Variants in ST6GALNAC3 observed in about 807,000 individuals in gnomAD.
ST6GALNAC3 encodes the protein alpha-N-acetylgalactosaminide alpha-2,6-sialyltransferase 3.
A neutral mutation model predicts 32.7 loss-of-function variants in ST6GALNAC3; 25 were observed. That is an observed-to-expected ratio of 0.76 (90% CI 0.56 to 1.07). The LOEUF (loss-of-function observed/expected upper bound fraction) is 1.07, where lower values mean the gene tolerates loss of function less well. Among genes scored for constraint, ST6GALNAC3 ranks in the 50% least tolerant of loss-of-function variants. The probability of loss-of-function intolerance (pLI) is 0.00; values close to 1 mark genes in which losing one functional copy is unlikely to be tolerated. For synonymous variants in ST6GALNAC3, 129 were observed against 133.1 expected, an observed-to-expected ratio of 0.97 and a Z score of 0.21; for missense variants, 355 against 382.4, an observed-to-expected ratio of 0.93 and a Z score of 0.60.
intron 1 of ST6GALNAC3, among the ~76,000 whole-genome samples, chr1:76,180,924 G>A (rs1653138439): frequency 1.3e-5 from 2 of 152,316 alleles, no homozygotes; most frequent in Admixed American, 6.5e-5. Context: ...AAGGTGTCAC[G>A]CTGGCCCTCT....
chr1:76,412,126 C>T lies in ST6GALNAC3; in HGVS notation c.332C>T (p.Pro111Leu), dbSNP rs1313534729. ...TGCATTTGGAGAATGAACAATGCCC[C>T]CACCAAAGGTTATGAAGAAGATGTC... ...SSCIWRMNNA[P>L]TKGYEEDVGR... is the part of the protein sequence containing the mutation. Residue 111 changes from proline to leucine, a missense_variant, in exon 3 of 5, where the codon CCC (proline) becomes CTC (leucine). Physicochemically the swap from Pro to Leu is moderately conservative, Grantham distance 98 (BLOSUM62 -3). Transcript: ENST00000328299. 6.2e-7 allele frequency: 1 copy of T among 1,613,520 alleles called. No homozygotes were observed. Among genetic ancestry groups the T allele is most frequent in the Non-Finnish European group, 8.5e-7 (1 of 1,179,804 alleles).
intron 3 of ST6GALNAC3, among the ~76,000 whole-genome samples, chr1:76,462,820 G>T (rs1299871400): frequency 1.3e-5 from 2 of 152,104 alleles, no homozygotes; most frequent in African/African-American, 4.8e-5. Flanking sequence ...AATGCTGCAG[G>T]GATGCTCATT....
chr1:76,443,799 T>G (rs1304039265), intron 3 of ST6GALNAC3, among the ~76,000 whole-genome samples: 1 of 152,234 alleles, frequency 6.6e-6, no homozygotes, highest in Non-Finnish European at 1.5e-5. Context: ...CTTCTAGTCT[T>G]GCCTTAGGCA....
chr1:76,530,056 A>T (rs890678744), intron 3 of ST6GALNAC3, among the ~76,000 whole-genome samples: 11 of 152,208 alleles, frequency 7.2e-5, no homozygotes, highest in African/African-American at 2.7e-4. Context: ...TTCATGTATA[A>T]CTTTTAGTAG....
chr1:76,394,667 A>G lies in ST6GALNAC3; in HGVS notation c.214-17341A>G, dbSNP rs1652809003. ...TAGTTATTATAGGTAATAGGTATGT[A>G]TTGACAAGCACTTGCTTGTTTAGAT... On this transcript the variant is annotated intron_variant, in intron 2 of 4. Coordinates refer to ENST00000328299, the MANE Select transcript of ST6GALNAC3 (RefSeq NM_152996.4). Among the ~76,000 whole-genome samples, 5 of 152,180 alleles carry G rather than the reference A, an allele frequency of 3.3e-5. No individual in the cohort carries two copies. The South Asian group carries it at 1.0e-3, about 32-fold the overall frequency.
In ST6GALNAC3 at chr1:76,631,481, A is replaced by G. The variant is rs555163143; in HGVS notation, c.*2675A>G. On this transcript the variant is annotated 3_prime_UTR_variant, in exon 5 of 5. Transcript: ENST00000328299. ...AAAGTCTAATTTCTCCCATGTTGAGAATAAATTTTTCATCTATGATTTGCT... is the reference window on the plus strand; with the variant it reads ...AAAGTCTAATTTCTCCCATGTTGAGGATAAATTTTTCATCTATGATTTGCT... 1 of 152,116 alleles carries G rather than the reference A, an allele frequency of 6.6e-6. No individual in the cohort carries two copies. Among genetic ancestry groups the G allele is most frequent in the South Asian group, 2.1e-4 (1 of 4,830 alleles). 9.4% of individuals were successfully genotyped at this position (152,116 alleles called of 1,614,324 possible).
intron 1 of ST6GALNAC3, among the ~76,000 whole-genome samples, chr1:76,297,399 G>C (rs1218015079): frequency 2.0e-5 from 3 of 151,880 alleles, no homozygotes; most frequent in African/African-American, 7.3e-5. Context: ...AGAGCCAGGG[G>C]TATGTTGTCC....
Position 76,429,922 on chromosome 1 carries a change from T to C in ST6GALNAC3, c.623+17505T>C, listed in dbSNP as rs148680469. Among the ~76,000 whole-genome samples, 1,325 of 152,280 alleles carry C rather than the reference T, an allele frequency of 8.7e-3. 9 individuals carry two copies. The highest frequency in any genetic ancestry group is 0.015 in the Non-Finnish European group (1,050 of 68,000). ...TATATGTTCAGTACAAATGAAACAT[T>C]CTCTCCCCAAGAGGACTCATTCACT... On this transcript the variant is annotated intron_variant, in intron 3 of 4. Coordinates refer to ENST00000328299, the MANE Select transcript of ST6GALNAC3 (RefSeq NM_152996.4).
At chr1:76,097,268 C>T (rs1438298024) in intron 1 of ST6GALNAC3, among the ~76,000 whole-genome samples, 19 of 152,134 alleles carry the variant, frequency 1.2e-4, no homozygotes, top group Admixed American at 1.2e-3. Context: ...TGTGTCCTCA[C>T]TCAAATCTTA....
chr1:76,379,837 C>G (rs978801856), intron 2 of ST6GALNAC3, among the ~76,000 whole-genome samples: 2 of 152,126 alleles, frequency 1.3e-5, no homozygotes, highest in African/African-American at 2.4e-5. Flanking sequence ...AACAAACAAG[C>G]CTCACAGAGC....
At chr1:76,150,280 G>A (rs977746062) in intron 1 of ST6GALNAC3, among the ~76,000 whole-genome samples, 2 of 152,152 alleles carry the variant, frequency 1.3e-5, no homozygotes, top group Non-Finnish European at 2.9e-5. Context: ...TGAAAAGCAG[G>A]CTTCGTTCAA....
chr1:76,494,429 G>GTGTATATA (rs1434515507), intron 3 of ST6GALNAC3, among the ~76,000 whole-genome samples: 1 of 53,420 alleles, frequency 1.9e-5, no homozygotes, highest in African/African-American at 6.3e-5. Context: ...GTGTGCATGT[G>GTGTATATA]TATATATATA....
chr1:76,270,010 G>A, intron 1 of ST6GALNAC3, among the ~76,000 whole-genome samples: 1 of 152,136 alleles, frequency 6.6e-6, no homozygotes. Context: ...ATGCAGAGCT[G>A]TTATCATTCT....
intron 3 of ST6GALNAC3, among the ~76,000 whole-genome samples, chr1:76,541,391 G>A (rs1663981608): frequency 6.6e-6 from 1 of 152,100 alleles, no homozygotes; most frequent in African/African-American, 2.4e-5. Flanking sequence ...TAGAGGCTCA[G>A]CCCAAGTATC....
chr1:76,430,211 T>C (rs905682169), intron 3 of ST6GALNAC3, among the ~76,000 whole-genome samples: 1 of 152,204 alleles, frequency 6.6e-6, no homozygotes, highest in African/African-American at 2.4e-5. Flanking sequence ...AGTCTCCATC[T>C]ATTCTCACTG....
intron 3 of ST6GALNAC3, among the ~76,000 whole-genome samples, chr1:76,428,672 G>A (rs1458474502): frequency 6.6e-6 from 1 of 151,908 alleles, no homozygotes; most frequent in African/African-American, 2.4e-5. Context: ...CCACTAATGG[G>A]AAAATTGAAA....
intron 3 of ST6GALNAC3, among the ~76,000 whole-genome samples, chr1:76,423,113 A>G (rs977318673): frequency 4.6e-5 from 7 of 152,012 alleles, no homozygotes; most frequent in Non-Finnish European, 8.8e-5. Context: ...TATTACCCTG[A>G]CAGTGTATGA....
chr1:76,365,005 T>G (rs1366544212), intron 2 of ST6GALNAC3, among the ~76,000 whole-genome samples: 1 of 151,978 alleles, frequency 6.6e-6, no homozygotes, highest in East Asian at 1.9e-4. Flanking sequence ...GAAATTATAT[T>G]TAAAAAACAC....
intron 2 of ST6GALNAC3, among the ~76,000 whole-genome samples, chr1:76,361,848 C>T (rs909208035): frequency 6.6e-6 from 1 of 151,852 alleles, no homozygotes; most frequent in East Asian, 1.9e-4. Context: ...GCATGGGGCA[C>T]ACGACTGTAA....
Sources: gnomAD v4.1 joint callset for allele counts (sites outside exome capture counted in the v4.1 genomes callset) on GRCh38, gnomAD v4.1.1 for gene constraint, MANE v1.5 for transcripts, NCBI Gene and HGNC (gene_info 2026-07-23, HGNC 2026-07-21) for gene names.